NRP2: variants seen among roughly 807,000 people sequenced by gnomAD.
The protein encoded by NRP2 is neuropilin 2.
NRP2 carries 52 observed loss-of-function variants against 110.4 expected under a neutral mutation model. That is an observed-to-expected ratio of 0.47 (90% CI 0.38 to 0.59). The LOEUF (loss-of-function observed/expected upper bound fraction) is 0.59, where lower values mean the gene tolerates loss of function less well. NRP2 is among the 20% of genes least tolerant of loss of function. The pLI is 0.00. For missense variants in NRP2, 1,049 were observed against 1,203.0 expected, an observed-to-expected ratio of 0.87 and a Z score of 1.89; for synonymous variants, 508 against 468.9, an observed-to-expected ratio of 1.08 and a Z score of -1.08.
chr2:205,718,758 A>G (rs1175847762), intron 3 of NRP2, among the ~76,000 whole-genome samples: 1 of 152,238 alleles, frequency 6.6e-6, no homozygotes, highest in African/African-American at 2.4e-5. Context: ...CCTGGCCAAC[A>G]TGGCGAAACC....
rs113815476 is a variant in NRP2 at position 205,683,240 on chromosome 2, T to G, written c.-51T>G. 2 of 1,337,190 alleles carry G rather than the reference T, an allele frequency of 1.5e-6. No homozygotes were observed. Among genetic ancestry groups the G allele is most frequent in the South Asian group, 2.4e-5 (2 of 83,666 alleles). The allele number at this position is 1,337,190 out of a possible 1,614,324, so 82.8% of individuals were successfully genotyped here. On this transcript the variant is annotated 5_prime_UTR_variant, in exon 1 of 17. The change creates a new upstream start codon in the 5' untranslated region. Coordinates refer to ENST00000357785, the MANE Select transcript of NRP2 (RefSeq NM_003872.3). ...ATAAAAGAGAGAAAAACACAAAGATTTAAACAAGAAACCTACGAACCCAGC... is the reference window on the plus strand; with the variant it reads ...ATAAAAGAGAGAAAAACACAAAGATGTAAACAAGAAACCTACGAACCCAGC...
At chr2:205,711,019 T>C (rs942276005) in intron 2 of NRP2, among the ~76,000 whole-genome samples, 1 of 152,240 alleles carries the variant, frequency 6.6e-6, no homozygotes, top group African/African-American at 2.4e-5. Flanking sequence ...TTTCATGTTT[T>C]TGAGTCACAA....
At chr2:205,685,479 G>T (rs931011285) in intron 1 of NRP2, among the ~76,000 whole-genome samples, 1 of 152,246 alleles carries the variant, frequency 6.6e-6, no homozygotes, top group African/African-American at 2.4e-5. Context: ...GCCGCCGCCG[G>T]CGACGAGAAC....
At chr2:205,693,217 A>C (rs76403582) in intron 1 of NRP2, among the ~76,000 whole-genome samples, 1,593 of 152,354 alleles carry the variant, frequency 0.01, 32 homozygotes, top group African/African-American at 0.036. Flanking sequence ...AGAGGAAATG[A>C]GACCGATTGC....
At chr2:205,770,607 C>T (rs978164019) in intron 15 of NRP2, among the ~76,000 whole-genome samples, 1 of 152,172 alleles carries the variant, frequency 6.6e-6, no homozygotes, top group South Asian at 2.1e-4. Context: ...CCTGGACTCC[C>T]TTCCTCCCAC....
In NRP2 at chr2:205,717,503, T is replaced by G. The variant is rs529661563; in HGVS notation, c.433+1129T>G. Among the ~76,000 whole-genome samples the G allele has an allele frequency of 9.1e-4, 139 of 152,340 alleles. 1 individual carries two copies. The highest frequency in any genetic ancestry group is 3.3e-3 in the African/African-American group (136 of 41,574). ...ACTCTGTCTAAATATTTGTCGGATTTGTCTGCCCGAGAACAAGAACGTGGA... is the reference window on the plus strand; with the variant it reads ...ACTCTGTCTAAATATTTGTCGGATTGGTCTGCCCGAGAACAAGAACGTGGA... On this transcript the variant is annotated intron_variant, in intron 3 of 16. Coordinates refer to ENST00000357785, the MANE Select transcript of NRP2 (RefSeq NM_003872.3).
Position 205,725,070 on chromosome 2 carries a change from G to T in NRP2, c.821-843G>T, listed in dbSNP as rs991058870. Among the ~76,000 whole-genome samples the T allele has an allele frequency of 6.6e-6, 1 of 152,132 alleles. No homozygotes were observed. The highest frequency in any genetic ancestry group is 1.5e-5 in the Non-Finnish European group (1 of 68,032). The stretch of plus-strand genomic sequence containing the variant: ...TCACCATATATATAACTACAGACAC[G>T]GCAGCCTGGCCTGCAGGAAGGTTGC... On this transcript the variant is annotated intron_variant, in intron 5 of 16. Transcript: ENST00000357785. The surrounding 1 kb of genome is among the most constrained non-coding windows in gnomAD (Gnocchi z 4.1).
intron 7 of NRP2, among the ~76,000 whole-genome samples, chr2:205,739,133 A>G (rs1013591800): frequency 2.0e-5 from 3 of 152,178 alleles, no homozygotes; most frequent in African/African-American, 7.2e-5. Context: ...GAAACACATC[A>G]CTGGACAGTG....
intron 12 of NRP2, among the ~76,000 whole-genome samples, chr2:205,754,904 C>A (rs1355753535): frequency 1.3e-5 from 2 of 152,114 alleles, no homozygotes; most frequent in African/African-American, 4.8e-5. Context: ...TTGGCTGGCT[C>A]TTATTCAGTG....
chr2:205,752,650 G>A, intron 11 of NRP2, 185 bp from the exon 12 acceptor site: 1 of 637,786 alleles, frequency 1.6e-6, no homozygotes, highest in African/African-American at 1.8e-5. Flanking sequence ...GCCTGGGAAG[G>A]ATGAGACCAA....
intron 15 of NRP2, chr2:205,777,410 AAG>A (rs565676170): frequency 2.0e-5 from 3 of 152,430 alleles, no homozygotes; most frequent in Admixed American, 2.0e-4. Context: ...TGCCTTATAA[AAG>A]AGAAGCTCAT....
At position 205,727,566 on chromosome 2, in the gene NRP2, G is replaced by C. The variant is rs545833504; in HGVS notation, c.991-325G>C. ...CTTTAAAGCAGCATCTGCTTCCACA[G>C]TCCAAGGCAGGCCATCATTTACTAA... On this transcript the variant is annotated intron_variant, in intron 6 of 16. Coordinates refer to ENST00000357785, the MANE Select transcript of NRP2 (RefSeq NM_003872.3). 1.1e-4 allele frequency among the ~76,000 whole-genome samples: 16 copies of C among 152,312 alleles called. No homozygotes were observed. In the South Asian group the frequency reaches 3.3e-3, roughly 32 times the overall value.
intron 2 of NRP2, among the ~76,000 whole-genome samples, chr2:205,712,095 GAGAA>G (rs1270475548): frequency 1.3e-5 from 2 of 152,204 alleles, no homozygotes; most frequent in Non-Finnish European, 2.9e-5. Context: ...CTTTGAAGTT[GAGAA>G]AGAAAGTAGA....
chr2:205,724,189 C>T (rs941856955), intron 5 of NRP2, among the ~76,000 whole-genome samples: 1 of 152,180 alleles, frequency 6.6e-6, no homozygotes, highest in Non-Finnish European at 1.5e-5. Context: ...TAGTTATTTT[C>T]AGGGAAAGTC....
Position 205,716,200 on chromosome 2 carries a change from T to C in NRP2, c.259T>C (p.Phe87Leu). The C allele has an allele frequency of 6.2e-7, 1 of 1,614,170 alleles. No individual in the cohort carries two copies. The highest frequency in any genetic ancestry group is 8.5e-7 in the Non-Finnish European group (1 of 1,180,042). Residue 87 changes from phenylalanine (F) to leucine (L), a missense_variant, in exon 3 of 17, where the codon TTT (phenylalanine) becomes CTT (leucine). Coordinates refer to ENST00000357785, the MANE Select transcript of NRP2 (RefSeq NM_003872.3). ...EIEKHDCKYD[F>L]IEIRDGDSES... ...TGTGCCATCCCCACCCAGGTATGAC[T>C]TTATCGAGATTCGGGATGGGGACAG...
At chr2:205,705,498 C>T (rs1379423268) in intron 2 of NRP2, among the ~76,000 whole-genome samples, 1 of 152,194 alleles carries the variant, frequency 6.6e-6, no homozygotes, top group African/African-American at 2.4e-5. Flanking sequence ...AGCTTTGTAG[C>T]CAAGCATCTT....
intron 15 of NRP2, chr2:205,776,354 T>C: frequency 1.2e-6 from 2 of 1,613,170 alleles, no homozygotes; most frequent in Non-Finnish European, 1.7e-6. Flanking sequence ...GTGCTGGTGC[T>C]GGTCTCCGTC....
Position 205,693,720 on chromosome 2 carries a change from A to C in NRP2, c.74-3824A>C, listed in dbSNP as rs184130065. On this transcript the variant is annotated intron_variant, in intron 1 of 16. Coordinates refer to ENST00000357785, the MANE Select transcript of NRP2 (RefSeq NM_003872.3). ...CCTGGTAACCCAGTCCCATCACCCC[A>C]GACTCACCTTTTACAACAACTGGGC... Among the ~76,000 whole-genome samples, 29 of 152,244 alleles carry C rather than the reference A, an allele frequency of 1.9e-4. No individual in the cohort carries two copies. The East Asian group carries it at 4.4e-3, about 23-fold the overall frequency.
intron 1 of NRP2, among the ~76,000 whole-genome samples, chr2:205,690,300 T>A (rs559933516): frequency 2.6e-5 from 4 of 152,018 alleles, no homozygotes; most frequent in Non-Finnish European, 5.9e-5. Context: ...GAAAATCCAA[T>A]ACCAACAAAT....
Sources: allele counts gnomAD v4.1 joint callset (sites outside exome capture counted in the v4.1 genomes callset), GRCh38; gene constraint gnomAD v4.1.1; non-coding constraint Gnocchi (gnomAD v3.1); transcripts MANE v1.5; gene names NCBI Gene and HGNC (gene_info 2026-07-23, HGNC 2026-07-21).